The following TSGA13 variants were observed in gnomAD, a reference collection of about 807,000 sequenced individuals.
TSGA13 encodes testis-specific gene 13 protein.
A neutral mutation model predicts 35.1 loss-of-function variants in TSGA13; 37 were observed. That is an observed-to-expected ratio of 1.05 (90% confidence interval 0.81 to 1.39). The LOEUF (loss-of-function observed/expected upper bound fraction) is 1.39. Ranked by LOEUF, TSGA13 falls within the 40% of genes most tolerant of loss-of-function variation. The pLI, the probability that TSGA13 is intolerant of heterozygous loss-of-function variation, is 0.00. For synonymous variants in TSGA13, 124 were observed against 121.2 expected (o/e 1.02, Z -0.15); for missense variants, 338 against 328.5 (o/e 1.03, Z -0.22).
In TSGA13 at chr7:130,685,244, G is replaced by C; in HGVS notation, c.-34C>G. On this transcript the variant is annotated 5_prime_UTR_variant, in exon 2 of 8. Coordinates refer to ENST00000356588, the MANE Select transcript of TSGA13 (RefSeq NM_052933.4). ...ACTGCTAGTTGGCCAACCCAAGGCA[G>C]GTATTCACCCAAGGCCAAATTCAGG... The C allele has an allele frequency of 6.2e-7, 1 of 1,611,976 alleles. No homozygotes were observed. The highest frequency in any genetic ancestry group is 8.5e-7 in the Non-Finnish European group (1 of 1,178,164).
intron 3 of TSGA13, among the ~76,000 whole-genome samples, chr7:130,682,500 C>T (rs1222956754): frequency 2.0e-5 from 3 of 152,144 alleles, no homozygotes; most frequent in Non-Finnish European, 2.9e-5. Flanking sequence ...ACCTTGGCCT[C>T]CCAAAGTGCT....
intron 1 of TSGA13, 38 bp from the exon 2 acceptor site, chr7:130,685,398 G>A: frequency 7.4e-7 from 1 of 1,353,456 alleles, no homozygotes; most frequent in Non-Finnish European, 9.6e-7. Flanking sequence ...AGGTGCTATT[G>A]TAGATGTAGA....
intron 7 of TSGA13, among the ~76,000 whole-genome samples, chr7:130,670,235 G>C (rs1021373943): frequency 6.6e-6 from 1 of 152,208 alleles, no homozygotes; most frequent in South Asian, 2.1e-4. Flanking sequence ...TGGCAGATAG[G>C]TATAGCAGGA....
chr7:130,668,657 T>C lies in TSGA13; in HGVS notation c.*357A>G, dbSNP rs782049207. 4 of 1,544,398 alleles carry C rather than the reference T, an allele frequency of 2.6e-6. No individual in the cohort carries two copies. Among genetic ancestry groups the C allele is most frequent in the African/African-American group, 2.9e-5 (2 of 69,954 alleles). On this transcript the variant is annotated 3_prime_UTR_variant, in exon 8 of 8. Coordinates refer to ENST00000356588, the MANE Select transcript of TSGA13 (RefSeq NM_052933.4). Reference sequence around the variant, plus strand: ...CAGACTCCTCGTCCTTCTTGTCGAATTTTTTAATCATCTTGGACGACTTCC... The same window carrying C: ...CAGACTCCTCGTCCTTCTTGTCGAACTTTTTAATCATCTTGGACGACTTCC...
intron 5 of TSGA13, among the ~76,000 whole-genome samples, chr7:130,678,491 C>G (rs1329749376): frequency 2.0e-5 from 3 of 152,140 alleles, no homozygotes; most frequent in Non-Finnish European, 4.4e-5. Context: ...AGATATTCAT[C>G]CCTGTTTTTA....
At chr7:130,685,730 G>T (rs62473537) in intron 1 of TSGA13, among the ~76,000 whole-genome samples, 34,908 of 152,146 alleles carry the variant, frequency 0.23, 4,689 homozygotes, top group South Asian at 0.35. Flanking sequence ...TTCTCCTCCT[G>T]TCAACAAAGC....
chr7:130,679,755 C>T (rs1295832197), intron 4 of TSGA13, among the ~76,000 whole-genome samples: 2 of 152,108 alleles, frequency 1.3e-5, no homozygotes, highest in Non-Finnish European at 2.9e-5. Flanking sequence ...AACTCCTGGG[C>T]TCAAGCGATG....
intron 4 of TSGA13, among the ~76,000 whole-genome samples, chr7:130,680,255 CCAG>C: frequency 6.6e-6 from 1 of 152,244 alleles, no homozygotes; most frequent in South Asian, 2.1e-4. Flanking sequence ...GCCTGTAATC[CCAG>C]CACTTTGGGA....
intron 4 of TSGA13, 36 bp downstream of exon 4, chr7:130,680,910 C>G: frequency 6.2e-7 from 1 of 1,603,336 alleles, no homozygotes; most frequent in Non-Finnish European, 8.5e-7. Context: ...TGAAACTTCC[C>G]CTTAGAGATC....
In TSGA13 at chr7:130,685,157, A is replaced by G. The variant is rs528146119; in HGVS notation, c.23+31T>C. ...AATAAGTTAATATAAAGTGGTGTTT[A>G]TAACTTAGTTGGGCAAACAAGACTA... On this transcript the variant is annotated intron_variant, in intron 2 of 7. Coordinates refer to ENST00000356588, the MANE Select transcript of TSGA13 (RefSeq NM_052933.4). 4.4e-6 allele frequency: 7 copies of G among 1,608,228 alleles called. No homozygotes were observed. The South Asian group carries it at 5.5e-5, about 13-fold the overall frequency.
rs373409391 is a variant in TSGA13 at position 130,679,211 on chromosome 7, G to T, written c.331C>A (p.Gln111Lys). ...TATTTTGATGCACTCTCCTTGTCTT[G>T]CTGGGTGATTGAGCAGGGAGGTGGG... ...NNPPPCSITQ[Q>K]DKESASKYFS... is the part of the protein sequence containing the mutation. The change falls in exon 5 of 8, where the codon CAA (glutamine) becomes AAA (lysine). Residue 111 changes from glutamine (Q) to lysine (K), a missense_variant. By Grantham distance (53) the Gln-to-Lys change is moderately conservative (BLOSUM62 1). Transcript: ENST00000356588. 27 of 1,614,034 alleles carry T rather than the reference G, an allele frequency of 1.7e-5. No homozygotes were observed. The highest frequency in any genetic ancestry group is 2.3e-5 in the Non-Finnish European group (27 of 1,180,032).
intron 5 of TSGA13, among the ~76,000 whole-genome samples, chr7:130,678,909 C>T (rs1039965080): frequency 6.6e-6 from 1 of 152,076 alleles, no homozygotes; most frequent in Admixed American, 6.5e-5. Context: ...CACCTGTAGC[C>T]CCAGCTACTC....
intron 3 of TSGA13, among the ~76,000 whole-genome samples, chr7:130,682,330 G>A (rs1796567462): frequency 6.6e-6 from 1 of 152,124 alleles, no homozygotes; most frequent in African/African-American, 2.4e-5. Context: ...ATATTGGCCA[G>A]GCTGGTTTTG....
Position 130,668,700 on chromosome 7 carries a change from G to T in TSGA13, c.*314C>A. 1 of 1,518,484 alleles carries T rather than the reference G, an allele frequency of 6.6e-7. No homozygotes were observed. The highest frequency in any genetic ancestry group is 1.2e-5 in the South Asian group (1 of 80,120). The allele number at this position is 1,518,484 out of a possible 1,614,324, so 94.1% of individuals were successfully genotyped here. A position where few individuals can be genotyped will look rare whatever the true frequency, so the allele number is the denominator to read the frequency against. On this transcript the variant is annotated 3_prime_UTR_variant, in exon 8 of 8. Transcript: ENST00000356588. ...CGACTTCCCAGCGCCCAGACCCACCGCAACCGTCCCAGGCGCCGCAGCCGG... is the reference window on the plus strand; with the variant it reads ...CGACTTCCCAGCGCCCAGACCCACCTCAACCGTCCCAGGCGCCGCAGCCGG...
intron 3 of TSGA13, among the ~76,000 whole-genome samples, chr7:130,681,431 G>T: frequency 6.6e-6 from 1 of 152,162 alleles, no homozygotes; most frequent in South Asian, 2.1e-4. Context: ...AAGGAGAAAA[G>T]CAAGTTTCAA....
At chr7:130,680,663 A>G (rs1796523467) in intron 4 of TSGA13, among the ~76,000 whole-genome samples, 1 of 152,074 alleles carries the variant, frequency 6.6e-6, no homozygotes, top group Non-Finnish European at 1.5e-5. Context: ...ATGGATTACA[A>G]ATATATTTTT....
At position 130,668,732 on chromosome 7, in the gene TSGA13, G is replaced by T; in HGVS notation, c.*282C>A. 6.7e-7 allele frequency: 1 copy of T among 1,492,282 alleles called. No homozygotes were observed. Among genetic ancestry groups the T allele is most frequent in the East Asian group, 2.9e-5 (1 of 34,296 alleles). 92.4% of individuals were successfully genotyped at this position (1,492,282 alleles called of 1,614,324 possible). ...TCCCAGGCGCCGCAGCCGGCGAGCG[G>T]AAGAGGCTGCAGGAAGGCCGGCCCC... On this transcript the variant is annotated 3_prime_UTR_variant, in exon 8 of 8. Coordinates refer to ENST00000356588, the MANE Select transcript of TSGA13 (RefSeq NM_052933.4).
chr7:130,684,570 T>G (rs1375792561), intron 2 of TSGA13, among the ~76,000 whole-genome samples: 1 of 152,122 alleles, frequency 6.6e-6, no homozygotes, highest in Admixed American at 6.5e-5. Flanking sequence ...AGGACCAAAA[T>G]AAAAGTAGAA....
intron 4 of TSGA13, among the ~76,000 whole-genome samples, chr7:130,680,724 A>G (rs901578322): frequency 6.6e-6 from 1 of 151,956 alleles, no homozygotes; most frequent in African/African-American, 2.4e-5. Context: ...AGCTGTGGGG[A>G]CCCACTTTCT....
Sources: allele counts gnomAD v4.1 joint callset (sites outside exome capture counted in the v4.1 genomes callset), GRCh38; gene constraint gnomAD v4.1.1; transcripts MANE v1.5; gene names NCBI Gene and HGNC (gene_info 2026-07-23, HGNC 2026-07-21).